SLC26A11: variants seen among roughly 807,000 people sequenced by gnomAD.
SLC26A11 encodes solute carrier family 26 member 11.
A neutral mutation model predicts 62.2 loss-of-function variants in SLC26A11; 58 were observed. The ratio of observed to expected loss-of-function variants is 0.93; its 90% confidence interval spans 0.76 to 1.16. The LOEUF is 1.16. Among genes scored for constraint, SLC26A11 ranks in the 50% most tolerant of loss-of-function variants. SLC26A11 has a pLI of 0.00. For missense variants in SLC26A11, 790 were observed against 794.3 expected, an observed-to-expected ratio of 0.99 and a Z score of 0.06; for synonymous variants, 411 against 368.9, an observed-to-expected ratio of 1.11 and a Z score of -1.31.
chr17:80,233,192 T>C (rs2042605119), intron 7 of SLC26A11, among the ~76,000 whole-genome samples: 2 of 151,376 alleles, frequency 1.3e-5, no homozygotes, highest in Admixed American at 6.6e-5. Context: ...GAGATTGCAG[T>C]GAGCCAAGAT....
chr17:80,249,426 A>T, intron 16 of SLC26A11, 139 bp downstream of exon 16: 3 of 1,230,430 alleles, frequency 2.4e-6, no homozygotes, highest in Non-Finnish European at 2.2e-6. Flanking sequence ...CTTCTGATTT[A>T]AACAGTTCTT....
At chr17:80,225,816 A>G (rs2042392480) in intron 5 of SLC26A11, 21 bp from the exon 6 acceptor site, 4 of 1,611,284 alleles carry the variant, frequency 2.5e-6, no homozygotes, top group Non-Finnish European at 2.5e-6. Flanking sequence ...GCCTCTGATC[A>G]GCATCTCTGT....
rs1213261562 is a variant in SLC26A11, at chr17:80,241,697, T to C, written c.986-74T>C. ...GCCGTGTGTAGAAATTCATAATCTGTGTTACATTTTGTGAATACTTTTTGA... is the reference window on the plus strand; with the variant it reads ...GCCGTGTGTAGAAATTCATAATCTGCGTTACATTTTGTGAATACTTTTTGA... On this transcript the variant is annotated intron_variant, in intron 9 of 17. Coordinates refer to ENST00000361193, the MANE Select transcript of SLC26A11 (RefSeq NM_001166347.2). The C allele has an allele frequency of 2.1e-6, 3 of 1,441,098 alleles. No homozygotes were observed. The African/African-American group carries it at 4.2e-5, about 20-fold the overall frequency. 89.3% of individuals were successfully genotyped at this position (1,441,098 alleles called of 1,614,324 possible). A position where few individuals can be genotyped will look rare whatever the true frequency, so the allele number is the denominator to read the frequency against.
chr17:80,242,865 C>T (rs9675214), intron 10 of SLC26A11, among the ~76,000 whole-genome samples: 56,546 of 151,888 alleles, frequency 0.37, 10,680 homozygotes, highest in African/African-American at 0.41. Context: ...TGTGCCACCA[C>T]GCCTGGCTAC....
chr17:80,250,272 T>C (rs549495431), intron 16 of SLC26A11, among the ~76,000 whole-genome samples: 9 of 152,312 alleles, frequency 5.9e-5, no homozygotes, highest in African/African-American at 2.2e-4. Context: ...AAGTGACCCG[T>C]ATACCCCAGG....
intron 7 of SLC26A11, among the ~76,000 whole-genome samples, chr17:80,233,659 C>T (rs929769100): frequency 6.7e-6 from 1 of 150,252 alleles, no homozygotes; most frequent in African/African-American, 2.4e-5. Context: ...TAGTTCACTG[C>T]AGCCTTGAAC....
chr17:80,235,202 A>G lies in SLC26A11; in HGVS notation c.737-1726A>G, dbSNP rs904268136. Among the ~76,000 whole-genome samples, 21 of 151,306 alleles carry G rather than the reference A, an allele frequency of 1.4e-4. 1 individual carries two copies. Among genetic ancestry groups the G allele is most frequent in the African/African-American group, 3.9e-4 (16 of 41,276 alleles). On this transcript the variant is annotated intron_variant, in intron 7 of 17. Coordinates refer to ENST00000361193, the MANE Select transcript of SLC26A11 (RefSeq NM_001166347.2). ...TCTACATCTTTACTTAACAGTTGCA[A>G]TCTTTCCTCTGTTTTTTTTTTAAGT...
intron 6 of SLC26A11, among the ~76,000 whole-genome samples, chr17:80,227,597 C>A (rs1017514799): frequency 6.6e-6 from 1 of 152,228 alleles, no homozygotes; most frequent in Non-Finnish European, 1.5e-5. Flanking sequence ...GAGTAGCTTG[C>A]TAAAGTTCCT....
In SLC26A11 at chr17:80,241,942, A is replaced by G. The variant is rs2042876411; in HGVS notation, c.1036+121A>G. 3.5e-6 allele frequency: 4 copies of G among 1,133,712 alleles called. No individual in the cohort carries two copies. In the South Asian group the frequency reaches 3.7e-5, roughly 11 times the overall value. 70.2% of individuals were successfully genotyped at this position (1,133,712 alleles called of 1,614,324 possible). ...ATGGTGGTGATGAACTGGGAGGGCAAAGGTGGCCCCAGATGGGATCTTCTG... is the reference window on the plus strand; with the variant it reads ...ATGGTGGTGATGAACTGGGAGGGCAGAGGTGGCCCCAGATGGGATCTTCTG... On this transcript the variant is annotated intron_variant, in intron 10 of 17. Transcript: ENST00000361193.
At chr17:80,232,226 C>T (rs929423831) in intron 7 of SLC26A11, among the ~76,000 whole-genome samples, 1 of 151,884 alleles carries the variant, frequency 6.6e-6, no homozygotes, top group Middle Eastern at 3.2e-3. Flanking sequence ...CTCCAGCTTT[C>T]ATTAGTGTTA....
At chr17:80,232,094 T>A (rs1256158442) in intron 7 of SLC26A11, among the ~76,000 whole-genome samples, 1 of 152,208 alleles carries the variant, frequency 6.6e-6, no homozygotes. Context: ...TTGTTTCATA[T>A]ATTTTGAAGC....
Position 80,223,404 on chromosome 17 carries a change from G to C in SLC26A11, c.513+67G>C. ...GCTCGTTGGCACAGGGATGGCGGGA[G>C]CAGGACTGAGGCCAGTCCTGATCCC... On this transcript the variant is annotated intron_variant, in intron 5 of 17. Transcript: ENST00000361193. The surrounding 1 kb of genome is among the most constrained non-coding windows in gnomAD (Gnocchi z 4.6). The C allele has an allele frequency of 1.4e-6, 2 of 1,457,206 alleles. No individual in the cohort carries two copies. Among genetic ancestry groups the C allele is most frequent in the Non-Finnish European group, 1.9e-6 (2 of 1,047,040 alleles). 90.3% of individuals were successfully genotyped at this position (1,457,206 alleles called of 1,614,324 possible).
At chr17:80,242,844 G>A (rs1187786777) in intron 10 of SLC26A11, among the ~76,000 whole-genome samples, 1 of 152,136 alleles carries the variant, frequency 6.6e-6, no homozygotes, top group African/African-American at 2.4e-5. Context: ...GAGTAGCTGA[G>A]ACTACAGGCG....
chr17:80,230,782 T>C (rs114446173), intron 7 of SLC26A11, among the ~76,000 whole-genome samples: 1 of 152,196 alleles, frequency 6.6e-6, no homozygotes, highest in Non-Finnish European at 1.5e-5. Context: ...TTCTCCCCAG[T>C]GTGTGTAGCA....
chr17:80,225,265 C>T (rs925926241), intron 5 of SLC26A11, among the ~76,000 whole-genome samples: 8 of 152,180 alleles, frequency 5.3e-5, no homozygotes, highest in African/African-American at 7.2e-5. Flanking sequence ...GAGCTGGTAT[C>T]GTGGTGGGAG....
chr17:80,227,794 G>T, intron 6 of SLC26A11, 24 bp from the exon 7 acceptor site: 1 of 1,601,586 alleles, frequency 6.2e-7, no homozygotes, highest in South Asian at 1.1e-5. Flanking sequence ...GCTGGGTGGT[G>T]ACCAGTCCTC....
chr17:80,222,787 G>T lies in SLC26A11; in HGVS notation c.367G>T (p.Ala123Ser). The change falls in exon 4 of 18, where the codon GCT becomes TCT. Residue 123 changes from alanine to serine, a missense_variant. Ala to Ser is a moderately conservative substitution (Grantham distance 99, BLOSUM62 1). Coordinates refer to ENST00000361193, the MANE Select transcript of SLC26A11 (RefSeq NM_001166347.2). This position sits in a 1 kb window ranked among gnomAD's most constrained non-coding sequence, Gnocchi z 4.7. ...CTACACCTTCCATGAGCCCGCCTAC[G>T]CTGTGCTGCTGGCCTTCCTGTCCGG... ...SFYTFHEPAY[A>S]VLLAFLSGCI... The T allele has an allele frequency of 6.2e-7, 1 of 1,614,172 alleles. No individual in the cohort carries two copies. Among genetic ancestry groups the T allele is most frequent in the Non-Finnish European group, 8.5e-7 (1 of 1,180,030 alleles).
In SLC26A11 at chr17:80,223,482, C is replaced by A; in HGVS notation, c.513+145C>A. ...AGATTGTCTTCCATGGGTCAAGAAG[C>A]ACGCGGTGCTCTCATGGGTCCCCTG... is the stretch of plus-strand genomic sequence containing the variant. On this transcript the variant is annotated intron_variant, in intron 5 of 17. Transcript: ENST00000361193. This position sits in a 1 kb window ranked among gnomAD's most constrained non-coding sequence, Gnocchi z 4.6. The A allele has an allele frequency of 1.4e-6, 1 of 739,212 alleles. No homozygotes were observed. The highest frequency in any genetic ancestry group is 2.3e-6 in the Non-Finnish European group (1 of 433,454). 45.8% of individuals were successfully genotyped at this position (739,212 alleles called of 1,614,324 possible).
chr17:80,225,232 G>A (rs953964620), intron 5 of SLC26A11, among the ~76,000 whole-genome samples: 1 of 152,132 alleles, frequency 6.6e-6, no homozygotes, highest in African/African-American at 2.4e-5. Context: ...AGGATAGAGT[G>A]CCTTCTCCTG....
Sources: gnomAD v4.1 joint callset for allele counts (sites outside exome capture counted in the v4.1 genomes callset) on GRCh38, gnomAD v4.1.1 for gene constraint, Gnocchi (gnomAD v3.1) non-coding constraint, MANE v1.5 for transcripts, NCBI Gene and HGNC (gene_info 2026-07-23, HGNC 2026-07-21) for gene names.